KIAA0232: variants seen among roughly 807,000 people sequenced by gnomAD.
The protein encoded by KIAA0232 is KIAA0232, also known as uncharacterized protein KIAA0232.
A neutral mutation model predicts 122.0 loss-of-function variants in KIAA0232; 27 were observed. The observed-to-expected ratio is 0.22, with a 90% CI of 0.16 to 0.31. The LOEUF is 0.31. Ranked by LOEUF, KIAA0232 falls within the 10% of genes least tolerant of loss-of-function variation. KIAA0232 has a pLI of 1.00. For synonymous variants in KIAA0232, 613 were observed against 587.6 expected (o/e 1.04, Z -0.63); for missense variants, 1,551 against 1,634.2 (o/e 0.95, Z 0.88).
chr4:6,871,679 G>A lies in KIAA0232; in HGVS notation c.3907G>A (p.Glu1303Lys). 1 of 1,567,552 alleles carries A rather than the reference G, an allele frequency of 6.4e-7. No individual in the cohort carries two copies. Among genetic ancestry groups the A allele is most frequent in the South Asian group, 1.1e-5 (1 of 88,772 alleles). Residue 1303 changes from glutamate to lysine, a missense_variant, in exon 8 of 10, where the codon GAA (glutamate) becomes AAA (lysine). Glu to Lys is a moderately conservative substitution (Grantham distance 56). Around this residue, in one of 5 missense-constraint regions of KIAA0232, gnomAD observed 1,108 missense variants for 1,154.8 expected, o/e 0.96. Coordinates refer to ENST00000307659, the MANE Select transcript of KIAA0232 (RefSeq NM_014743.3). ...TCCTCTTTTTCCTGCATCAGAGTGT[G>A]AAGGTAAGGAGACCTTTGTTAGTTC... The part of the protein sequence containing the change: ...YSPLFPASEC[E>K]ECYTNAKGES...
rs757288582 is a variant in KIAA0232 at position 6,863,518 on chromosome 4, A to G, written c.3136A>G (p.Asn1046Asp). 1.2e-6 allele frequency: 2 copies of G among 1,614,210 alleles called. No individual in the cohort carries two copies. Among genetic ancestry groups the G allele is most frequent in the Admixed American group, 1.7e-5 (1 of 60,022 alleles). The stretch of plus-strand genomic sequence containing the variant: ...CTCATTTTCTTCCTTTGACTTAAGC[A>G]ATCCATTTTCACAAGTTCTTCATGT... ...EYSFSSFDLS[N>D]PFSQVLHVEC... The change falls in exon 7 of 10, where the codon AAT becomes GAT. Residue 1046 changes from asparagine (N) to aspartate (D), a missense_variant. Physicochemically the swap from Asn to Asp is conservative, Grantham distance 23 (BLOSUM62 1). Around this residue, in one of 5 missense-constraint regions of KIAA0232, gnomAD observed 1,108 missense variants for 1,154.8 expected, o/e 0.96. Transcript: ENST00000307659.
At chr4:6,816,689 T>C (rs1213813580) in intron 2 of KIAA0232, among the ~76,000 whole-genome samples, 4 of 152,216 alleles carry the variant, frequency 2.6e-5, no homozygotes, top group Non-Finnish European at 5.9e-5. Context: ...ATTACGCTTT[T>C]CTTAAATATT....
Position 6,858,391 on chromosome 4 carries a change from A to G in KIAA0232, c.437-34A>G, listed in dbSNP as rs781642144. On this transcript the variant is annotated intron_variant, in intron 5 of 9. Coordinates refer to ENST00000307659, the MANE Select transcript of KIAA0232 (RefSeq NM_014743.3). ...CATTAGCATTTATTAACTAGATATA[A>G]GACAAATCTTTCTTAATTTTTGTTT... 5 of 1,329,378 alleles carry G rather than the reference A, an allele frequency of 3.8e-6. No individual in the cohort carries two copies. In the East Asian group the frequency reaches 1.2e-4, roughly 31 times the overall value. The allele number at this position is 1,329,378 out of a possible 1,614,324, so 82.3% of individuals were successfully genotyped here.
rs1475921515 is a variant in KIAA0232, at chr4:6,825,159, T to TAA, written c.231+477_231+478dup. Among the ~76,000 whole-genome samples, 4 of 152,246 alleles carry TAA rather than the reference T, an allele frequency of 2.6e-5. No individual in the cohort carries two copies. The East Asian group carries it at 7.7e-4, about 29-fold the overall frequency. On this transcript the variant is annotated intron_variant, in intron 3 of 9. Transcript: ENST00000307659. The stretch of plus-strand genomic sequence containing the variant: ...AGTATGTATGACAAATCAGTAGACT[T>TAA]AAAGTTCAGTAAAGCACACAATTTT...
chr4:6,817,787 G>A (rs1443533368), intron 2 of KIAA0232, among the ~76,000 whole-genome samples: 1 of 152,080 alleles, frequency 6.6e-6, no homozygotes, highest in Non-Finnish European at 1.5e-5. Flanking sequence ...TAGTGTAATT[G>A]TGGACTTGTT....
intron 4 of KIAA0232, among the ~76,000 whole-genome samples, chr4:6,856,250 T>C (rs1268720153): frequency 6.6e-6 from 1 of 152,182 alleles, no homozygotes; most frequent in Non-Finnish European, 1.5e-5. Context: ...AGCAGAACTC[T>C]CCATCACGCG....
intron 7 of KIAA0232, among the ~76,000 whole-genome samples, chr4:6,870,001 C>T (rs1323443543): frequency 1.3e-5 from 2 of 152,186 alleles, no homozygotes; most frequent in African/African-American, 4.8e-5. Context: ...ATGCAGTGGC[C>T]AAGCCTCACC....
chr4:6,846,813 G>A (rs980017357), intron 4 of KIAA0232, among the ~76,000 whole-genome samples: 2 of 152,132 alleles, frequency 1.3e-5, no homozygotes, highest in African/African-American at 4.8e-5. Flanking sequence ...GACCTACATC[G>A]AAAATTATAA....
intron 4 of KIAA0232, among the ~76,000 whole-genome samples, chr4:6,856,344 G>A (rs1720571195): frequency 6.6e-6 from 1 of 152,116 alleles, no homozygotes; most frequent in Admixed American, 6.5e-5. Context: ...TAAAGTTTCT[G>A]AGAAATACAT....
At chr4:6,810,408 C>T (rs1458306702) in intron 2 of KIAA0232, among the ~76,000 whole-genome samples, 3 of 152,102 alleles carry the variant, frequency 2.0e-5, no homozygotes, top group Non-Finnish European at 4.4e-5. Flanking sequence ...CAGTCTCTCA[C>T]CATATACAAA....
rs1722085781 is a variant in KIAA0232, at chr4:6,881,828, C to G, written c.*862C>G. 1 of 152,652 alleles carries G rather than the reference C, an allele frequency of 6.6e-6. No individual in the cohort carries two copies. The highest frequency in any genetic ancestry group is 2.1e-4 in the South Asian group (1 of 4,830). The allele number at this position is 152,652 out of a possible 1,614,324, so 9.5% of individuals were successfully genotyped here. A position where few individuals can be genotyped will look rare whatever the true frequency, so the allele number is the denominator to read the frequency against. ...TGGTGACCTATGTTGAATTGAAACC[C>G]CCAAAACTTGAAATTGTGAACATTT... On this transcript the variant is annotated 3_prime_UTR_variant, in exon 10 of 10. Transcript: ENST00000307659.
At chr4:6,791,672 C>G (rs571704680) in intron 1 of KIAA0232, among the ~76,000 whole-genome samples, 1 of 152,240 alleles carries the variant, frequency 6.6e-6, no homozygotes, top group South Asian at 2.1e-4. Context: ...CTTTCTTCAT[C>G]TCCCTTCCTA....
rs1717532328 is a variant in KIAA0232 at position 6,804,621 on chromosome 4, G to GT, written c.-270+16dup. ...GAAGACAACCAGTAAGTCCCTAAGT[G>GT]TATGTGGGAAATGGGAAAATGTGGA... is the stretch of plus-strand genomic sequence containing the variant. On this transcript the variant is annotated intron_variant, in intron 2 of 9. Coordinates refer to ENST00000307659, the MANE Select transcript of KIAA0232 (RefSeq NM_014743.3). The GT allele has an allele frequency of 6.6e-6, 1 of 152,156 alleles. No homozygotes were observed. The allele number at this position is 152,156 out of a possible 1,614,324, so 9.4% of individuals were successfully genotyped here. A position where few individuals can be genotyped will look rare whatever the true frequency, so the allele number is the denominator to read the frequency against.
intron 4 of KIAA0232, among the ~76,000 whole-genome samples, chr4:6,843,656 G>A (rs1319642892): frequency 1.3e-5 from 2 of 152,224 alleles, no homozygotes; most frequent in East Asian, 3.9e-4. Flanking sequence ...TGTAATCCCA[G>A]CTACTTCGGA....
rs1046402073 is a variant in KIAA0232, at chr4:6,824,446, C to T, written c.-8C>T. 2.5e-6 allele frequency: 4 copies of T among 1,611,526 alleles called. No homozygotes were observed. The African/African-American group carries it at 5.3e-5, about 21-fold the overall frequency. ...TTCACATTTTAAGGATGTCGGCAAC[C>T]TAAATTCATGTACCCTATCTGTACA... On this transcript the variant is annotated 5_prime_UTR_variant, in exon 3 of 10. Coordinates refer to ENST00000307659, the MANE Select transcript of KIAA0232 (RefSeq NM_014743.3).
intron 9 of KIAA0232, 42 bp from the exon 10 acceptor site, chr4:6,880,745 A>G (rs1722028485): frequency 7.1e-7 from 1 of 1,416,530 alleles, no homozygotes; most frequent in Non-Finnish European, 9.4e-7. Flanking sequence ...TTTTGGGGAA[A>G]AAAAAGTCTT....
Position 6,862,992 on chromosome 4 carries a change from C to A in KIAA0232, c.2610C>A (p.Thr870=). The change falls in exon 7 of 10, where the codon ACC becomes ACA. Residue 870 remains threonine, a synonymous_variant. Coordinates refer to ENST00000307659, the MANE Select transcript of KIAA0232 (RefSeq NM_014743.3). ...CCLDAEAELE[T]LQEPDKAVRR... ...TAGATGCTGAAGCTGAACTGGAGACCCTTCAGGAGCCTGATAAGGCTGTGC... is the reference window on the plus strand; with the variant it reads ...TAGATGCTGAAGCTGAACTGGAGACACTTCAGGAGCCTGATAAGGCTGTGC... 6.2e-7 allele frequency: 1 copy of A among 1,614,132 alleles called. No individual in the cohort carries two copies. The highest frequency in any genetic ancestry group is 8.5e-7 in the Non-Finnish European group (1 of 1,180,028).
intron 2 of KIAA0232, among the ~76,000 whole-genome samples, chr4:6,823,724 CAAA>C (rs35703069): frequency 7.2e-6 from 1 of 139,808 alleles, no homozygotes; most frequent in African/African-American, 2.6e-5. Context: ...CTTGAGATAG[CAAA>C]AAAAAAAAAA....
At chr4:6,813,577 T>A (rs1717976421) in intron 2 of KIAA0232, among the ~76,000 whole-genome samples, 1 of 152,004 alleles carries the variant, frequency 6.6e-6, no homozygotes, top group Non-Finnish European at 1.5e-5. Context: ...TTAGCCAGGA[T>A]GGTCTCGATC....
Sources: allele counts gnomAD v4.1 joint callset (sites outside exome capture counted in the v4.1 genomes callset), GRCh38; gene constraint gnomAD v4.1.1; regional missense constraint gnomAD v4.1.1; transcripts MANE v1.5; gene names NCBI Gene and HGNC (gene_info 2026-07-23, HGNC 2026-07-21).